CAMK4: variants seen among roughly 807,000 people sequenced by gnomAD.
The protein encoded by CAMK4 is calcium/calmodulin-dependent protein kinase type IV.
In CAMK4, 22 loss-of-function variants were observed where a neutral mutation model predicts 44.9. The ratio of observed to expected loss-of-function variants is 0.49; its 90% CI spans 0.35 to 0.70. The LOEUF is 0.70. CAMK4 is among the 30% of genes least tolerant of loss of function. CAMK4 has a pLI of 0.01. For missense variants in CAMK4, 498 were observed against 586.8 expected, an observed-to-expected ratio of 0.85 and a Z score of 1.56; for synonymous variants, 218 against 215.4, an observed-to-expected ratio of 1.01 and a Z score of -0.11.
At chr5:111,233,103 G>A (rs932678935) in intron 1 of CAMK4, among the ~76,000 whole-genome samples, 1 of 152,064 alleles carries the variant, frequency 6.6e-6, no homozygotes, top group Admixed American at 6.6e-5. Flanking sequence ...TTTTTAGATT[G>A]CAGACTCTAG....
At chr5:111,412,986 C>T (rs1342638964) in intron 5 of CAMK4, among the ~76,000 whole-genome samples, 1 of 152,190 alleles carries the variant, frequency 6.6e-6, no homozygotes, top group Non-Finnish European at 1.5e-5. Context: ...TAGCTCTGCT[C>T]TTCAAGAAGC....
chr5:111,342,486 T>G lies in CAMK4; in HGVS notation c.162-1538T>G, dbSNP rs1431924058. Among the ~76,000 whole-genome samples, 3 of 151,508 alleles carry G rather than the reference T, an allele frequency of 2.0e-5. No individual in the cohort carries two copies. In the Admixed American group the frequency reaches 2.0e-4, roughly 10 times the overall value. On this transcript the variant is annotated intron_variant, in intron 1 of 10. Transcript: ENST00000282356. ...ACCAGGTTTGCACCAACCTAATGTA[T>G]CATTTTATTTTTTAACCTATTTATG... is the stretch of plus-strand genomic sequence containing the variant.
chr5:111,378,865 T>C (rs1160494698), intron 4 of CAMK4, among the ~76,000 whole-genome samples: 1 of 151,890 alleles, frequency 6.6e-6, no homozygotes, highest in African/African-American at 2.4e-5. Context: ...AAAGCTTAGA[T>C]GGCTCTAATC....
At chr5:111,292,318 C>G (rs1208564270) in intron 1 of CAMK4, among the ~76,000 whole-genome samples, 2 of 152,084 alleles carry the variant, frequency 1.3e-5, no homozygotes, top group African/African-American at 4.8e-5. Flanking sequence ...ATTTTTCAAA[C>G]TACTTATTAG....
At position 111,484,682 on chromosome 5, in the gene CAMK4, C is replaced by G; in HGVS notation, c.*216C>G. ...ATGGCATGTAATGGATACCTAATAC[C>G]GATGAGTTAAATCTTGCAAGTTAAC... On this transcript the variant is annotated 3_prime_UTR_variant, in exon 11 of 11. Transcript: ENST00000282356. This position sits in a 1 kb window ranked among gnomAD's most constrained non-coding sequence, Gnocchi z 5.3. 2.6e-6 allele frequency: 1 copy of G among 377,598 alleles called. No homozygotes were observed. Among genetic ancestry groups the G allele is most frequent in the Non-Finnish European group, 4.7e-6 (1 of 213,578 alleles). The allele number at this position is 377,598 out of a possible 1,614,324, so 23.4% of individuals were successfully genotyped here. A position where few individuals can be genotyped will look rare whatever the true frequency, so the allele number is the denominator to read the frequency against.
chr5:111,241,688 T>A (rs1025883264), intron 1 of CAMK4, among the ~76,000 whole-genome samples: 1 of 152,228 alleles, frequency 6.6e-6, no homozygotes, highest in African/African-American at 2.4e-5. Context: ...TTATAACTGA[T>A]AAATTCTTAT....
chr5:111,426,681 C>T (rs1428457613), intron 5 of CAMK4, among the ~76,000 whole-genome samples: 1 of 152,180 alleles, frequency 6.6e-6, no homozygotes, highest in Non-Finnish European at 1.5e-5. Flanking sequence ...AGGAGAGCAT[C>T]TCTGGGTGCT....
chr5:111,362,365 T>C (rs895467694), intron 2 of CAMK4, among the ~76,000 whole-genome samples: 9 of 152,042 alleles, frequency 5.9e-5, no homozygotes, highest in Non-Finnish European at 1.2e-4. Flanking sequence ...ATTGATGACA[T>C]TGGGCCTTAG....
intron 7 of CAMK4, among the ~76,000 whole-genome samples, chr5:111,466,228 C>T (rs1754822065): frequency 6.6e-6 from 1 of 152,112 alleles, no homozygotes; most frequent in South Asian, 2.1e-4. Context: ...CTATGACAAA[C>T]CCAAAGCTAA....
chr5:111,229,386 C>T (rs929942384), intron 1 of CAMK4, among the ~76,000 whole-genome samples: 1 of 152,266 alleles, frequency 6.6e-6, no homozygotes, highest in East Asian at 1.9e-4. Context: ...GTGCACTGAT[C>T]CCACGATGAG....
At chr5:111,470,982 C>G (rs1472392506) in intron 7 of CAMK4, among the ~76,000 whole-genome samples, 3 of 152,222 alleles carry the variant, frequency 2.0e-5, no homozygotes, top group Admixed American at 6.5e-5. Flanking sequence ...GACACTTGCT[C>G]TTTACCAATC....
rs1751949928 is a variant in CAMK4 at position 111,395,128 on chromosome 5, G to C, written c.459+346G>C. Among the ~76,000 whole-genome samples, 3 of 145,634 alleles carry C rather than the reference G, an allele frequency of 2.1e-5. No individual in the cohort carries two copies. The Admixed American group carries it at 2.2e-4, about 11-fold the overall frequency. ...AGGGGCTGAAGCACAAGAATTGCTT[G>C]AACTTGGGAGGTGGGGAGTTGCAGT... On this transcript the variant is annotated intron_variant, in intron 5 of 10. Transcript: ENST00000282356.
chr5:111,425,782 A>C (rs760148790), intron 5 of CAMK4, among the ~76,000 whole-genome samples: 1 of 152,220 alleles, frequency 6.6e-6, no homozygotes, highest in Non-Finnish European at 1.5e-5. Flanking sequence ...GTGATGAACA[A>C]TGTATTAAGA....
At chr5:111,439,659 C>G (rs1479157187) in intron 5 of CAMK4, among the ~76,000 whole-genome samples, 1 of 152,048 alleles carries the variant, frequency 6.6e-6, no homozygotes, top group Non-Finnish European at 1.5e-5. Flanking sequence ...GAGTCCAGAG[C>G]TACAGGGAAG....
chr5:111,418,998 G>C lies in CAMK4; in HGVS notation c.459+24216G>C, dbSNP rs557933087. On this transcript the variant is annotated intron_variant, in intron 5 of 10. Transcript: ENST00000282356. Reference sequence around the variant, plus strand: ...GGGTCAAATGGTATTTCTAGTTCTAGATCCCTGAGGAATCGCCACACTGAC... The same window carrying C: ...GGGTCAAATGGTATTTCTAGTTCTACATCCCTGAGGAATCGCCACACTGAC... 5.5e-3 allele frequency among the ~76,000 whole-genome samples: 832 copies of C among 152,174 alleles called. 12 individuals carry two copies. Among genetic ancestry groups the C allele is most frequent in the South Asian group, 0.024 (116 of 4,820 alleles).
intron 1 of CAMK4, among the ~76,000 whole-genome samples, chr5:111,243,129 C>T (rs1749079978): frequency 6.6e-6 from 1 of 152,112 alleles, no homozygotes; most frequent in African/African-American, 2.4e-5. Flanking sequence ...CACTCAGGAC[C>T]ATTGAATAGG....
At chr5:111,480,352 G>A (rs1258700515) in intron 9 of CAMK4, among the ~76,000 whole-genome samples, 1 of 149,160 alleles carries the variant, frequency 6.7e-6, no homozygotes, top group Non-Finnish European at 1.5e-5. Context: ...AGGCATGGTC[G>A]GCCTTCCCCT....
chr5:111,374,178 C>T (rs1751120726), intron 2 of CAMK4, among the ~76,000 whole-genome samples: 1 of 152,096 alleles, frequency 6.6e-6, no homozygotes, highest in Non-Finnish European at 1.5e-5. Flanking sequence ...ATTAACAGTC[C>T]TCTTCATAAC....
chr5:111,354,512 A>G (rs752869321), intron 2 of CAMK4, among the ~76,000 whole-genome samples: 8 of 151,876 alleles, frequency 5.3e-5, no homozygotes, highest in Non-Finnish European at 1.2e-4. Flanking sequence ...TCATTTTGCA[A>G]TGCGTACATC....
Sources: allele counts gnomAD v4.1 joint callset (sites outside exome capture counted in the v4.1 genomes callset), GRCh38; gene constraint gnomAD v4.1.1; non-coding constraint Gnocchi (gnomAD v3.1); transcripts MANE v1.5; gene names NCBI Gene and HGNC (gene_info 2026-07-23, HGNC 2026-07-21).